RALYL: variants seen among roughly 807,000 people sequenced by gnomAD.
RALYL encodes RNA-binding Raly-like protein.
In RALYL, 29 loss-of-function variants were observed where a neutral mutation model predicts 35.1. The observed-to-expected ratio is 0.83, with a 90% CI of 0.61 to 1.13. The LOEUF (loss-of-function observed/expected upper bound fraction) is 1.13. RALYL is among the 50% of genes most tolerant of loss of function. RALYL has a pLI of 0.00. For synonymous variants in RALYL, 120 were observed against 127.6 expected (o/e 0.94, Z 0.40); for missense variants, 359 against 360.4 (o/e 1.00, Z 0.03).
At chr8:84,548,899 T>G (rs958153173) in intron 2 of RALYL, among the ~76,000 whole-genome samples, 3 of 152,154 alleles carry the variant, frequency 2.0e-5, no homozygotes, top group African/African-American at 7.2e-5. Flanking sequence ...TTACTGGTTG[T>G]TAATTGAGAG....
At chr8:84,510,767 A>G (rs2057548684) in intron 1 of RALYL, among the ~76,000 whole-genome samples, 1 of 151,928 alleles carries the variant, frequency 6.6e-6, no homozygotes, top group Admixed American at 6.6e-5. Flanking sequence ...CTGAGATCAC[A>G]CCATTGCACT....
intron 1 of RALYL, among the ~76,000 whole-genome samples, chr8:84,527,223 G>A (rs1457201145): frequency 6.6e-6 from 1 of 152,136 alleles, no homozygotes; most frequent in Non-Finnish European, 1.5e-5. Flanking sequence ...TTACACAGTT[G>A]TCAGTTTGGA....
At chr8:84,389,378 A>G (rs1860061189) in intron 1 of RALYL, among the ~76,000 whole-genome samples, 1 of 152,042 alleles carries the variant, frequency 6.6e-6, no homozygotes, top group Non-Finnish European at 1.5e-5. Context: ...AATTCTGTGA[A>G]GAAAGTCATT....
In RALYL at chr8:84,472,471, A is replaced by T. The variant is rs891388743; in HGVS notation, c.-23-56828A>T. On this transcript the variant is annotated intron_variant, in intron 1 of 8. Transcript: ENST00000521268. ...GACACGCAAAGAGAAAATTCTAGAG[A>T]AAAAGAACTATGAAATCTCAGAGGT... 5.9e-5 allele frequency among the ~76,000 whole-genome samples: 9 copies of T among 152,290 alleles called. No homozygotes were observed. The East Asian group carries it at 1.7e-3, about 29-fold the overall frequency.
intron 1 of RALYL, among the ~76,000 whole-genome samples, chr8:84,289,078 G>A (rs926440696): frequency 6.6e-6 from 1 of 152,018 alleles, no homozygotes; most frequent in Non-Finnish European, 1.5e-5. Flanking sequence ...TTCACCCAAA[G>A]GAAAAATAAA....
chr8:84,306,019 C>A (rs1291678809), intron 1 of RALYL, among the ~76,000 whole-genome samples: 1 of 151,996 alleles, frequency 6.6e-6, no homozygotes, highest in Non-Finnish European at 1.5e-5. Context: ...AAAAAATTAG[C>A]CAGGCATGGT....
chr8:84,200,490 A>T (rs1164338744), intron 1 of RALYL, among the ~76,000 whole-genome samples: 1 of 152,192 alleles, frequency 6.6e-6, no homozygotes, highest in Non-Finnish European at 1.5e-5. Flanking sequence ...AAGACTAAAT[A>T]CATTTTAAAA....
At chr8:84,591,823 T>C (rs1334426828) in intron 2 of RALYL, among the ~76,000 whole-genome samples, 1 of 152,216 alleles carries the variant, frequency 6.6e-6, no homozygotes, top group Non-Finnish European at 1.5e-5. Context: ...AGATCCAGTG[T>C]GTCGAAGTGA....
At chr8:84,252,196 C>T (rs1456031594) in intron 1 of RALYL, among the ~76,000 whole-genome samples, 2 of 152,022 alleles carry the variant, frequency 1.3e-5, no homozygotes, top group Non-Finnish European at 2.9e-5. Flanking sequence ...GAGAAACCTC[C>T]GCATTTTCAC....
intron 6 of RALYL, among the ~76,000 whole-genome samples, chr8:84,867,272 G>A (rs184575754): frequency 2.1e-4 from 32 of 152,124 alleles, no homozygotes; most frequent in Non-Finnish European, 3.8e-4. Flanking sequence ...CCAGTTGTTC[G>A]TTTTTTTATT....
At chr8:84,911,048 A>G (rs1847428058) in intron 8 of RALYL, among the ~76,000 whole-genome samples, 1 of 152,082 alleles carries the variant, frequency 6.6e-6, no homozygotes, top group Non-Finnish European at 1.5e-5. Context: ...ATCTGGAAGT[A>G]TTGATATATT....
At chr8:84,671,599 C>T (rs1430595892) in intron 2 of RALYL, among the ~76,000 whole-genome samples, 5 of 152,204 alleles carry the variant, frequency 3.3e-5, no homozygotes, top group Non-Finnish European at 7.3e-5. Context: ...AGACTCAACA[C>T]CACATGGAAG....
At chr8:84,395,830 G>A (rs1861645556) in intron 1 of RALYL, among the ~76,000 whole-genome samples, 2 of 151,896 alleles carry the variant, frequency 1.3e-5, no homozygotes, top group East Asian at 1.9e-4. Context: ...AAATGTGAAT[G>A]TAAAATACTT....
chr8:84,438,710 T>C (rs2048006696), intron 1 of RALYL, among the ~76,000 whole-genome samples: 1 of 152,096 alleles, frequency 6.6e-6, no homozygotes, highest in South Asian at 2.1e-4. Context: ...ATTCTTATAG[T>C]TTGCGGTCTT....
At chr8:84,895,420 AT>A (rs1362595090) in intron 8 of RALYL, among the ~76,000 whole-genome samples, 2 of 149,870 alleles carry the variant, frequency 1.3e-5, no homozygotes, top group South Asian at 4.2e-4. Flanking sequence ...CCTCTTATAT[AT>A]TTTTTTCCAA....
intron 1 of RALYL, among the ~76,000 whole-genome samples, chr8:84,208,857 TAA>T (rs1818717954): frequency 6.6e-6 from 1 of 152,122 alleles, no homozygotes; most frequent in South Asian, 2.1e-4. Flanking sequence ...TTTTGTGATA[TAA>T]GAGACTTCTT....
chr8:84,369,228 T>G (rs912423241), intron 1 of RALYL, among the ~76,000 whole-genome samples: 1 of 152,152 alleles, frequency 6.6e-6, no homozygotes, highest in Non-Finnish European at 1.5e-5. Flanking sequence ...GTGCTCACAC[T>G]GTCCTCTTGA....
chr8:84,272,067 A>G (rs1394125123), intron 1 of RALYL, among the ~76,000 whole-genome samples: 1 of 151,794 alleles, frequency 6.6e-6, no homozygotes, highest in African/African-American at 2.4e-5. Context: ...AAGTGTGTAC[A>G]TGTTTTTTTG....
chr8:84,393,285 T>C (rs931917600), intron 1 of RALYL, among the ~76,000 whole-genome samples: 1 of 152,072 alleles, frequency 6.6e-6, no homozygotes, highest in Non-Finnish European at 1.5e-5. Context: ...CAGAATTCAG[T>C]ACTTCAAGTG....
Sources: allele counts gnomAD v4.1 joint callset (sites outside exome capture counted in the v4.1 genomes callset), GRCh38; gene constraint gnomAD v4.1.1; transcripts MANE v1.5; gene names NCBI Gene and HGNC (gene_info 2026-07-23, HGNC 2026-07-21).